PDE4D: variants seen among roughly 807,000 people sequenced by gnomAD.
PDE4D encodes 3',5'-cyclic-AMP phosphodiesterase 4D.
PDE4D carries 24 observed loss-of-function variants against 87.4 expected under a neutral mutation model. The ratio of observed to expected loss-of-function variants is 0.27; its 90% CI spans 0.20 to 0.39. The LOEUF (loss-of-function observed/expected upper bound fraction) is 0.39. Among genes scored for constraint, PDE4D ranks in the 10% least tolerant of loss-of-function variants. The pLI is 1.00. For missense variants in PDE4D, 714 were observed against 1,041.0 expected, an observed-to-expected ratio of 0.69 and a Z score of 4.32; for synonymous variants, 384 against 383.2, an observed-to-expected ratio of 1.00 and a Z score of -0.02.
At chr5:59,274,390 C>G (rs1489567616) in intron 1 of PDE4D, among the ~76,000 whole-genome samples, 1 of 152,092 alleles carries the variant, frequency 6.6e-6, no homozygotes, top group Admixed American at 6.6e-5. Context: ...ATTCCTGACG[C>G]AAATAATTTG....
intron 1 of PDE4D, among the ~76,000 whole-genome samples, chr5:59,534,406 A>G (rs1034325342): frequency 2.0e-5 from 3 of 152,164 alleles, no homozygotes; most frequent in African/African-American, 7.2e-5. Context: ...CTGCATTCCA[A>G]TTGTTATAAT....
intron 1 of PDE4D, among the ~76,000 whole-genome samples, chr5:60,336,433 C>A (rs966748492): frequency 6.6e-5 from 10 of 152,126 alleles, no homozygotes; most frequent in African/African-American, 2.4e-4. Flanking sequence ...AAGGGTAGAA[C>A]CCTAGTGTGT....
At position 59,065,409 on chromosome 5, in the gene PDE4D, A is replaced by G. The variant is rs138159014; in HGVS notation, c.809-26438T>C. Among the ~76,000 whole-genome samples the G allele has an allele frequency of 6.5e-4, 99 of 152,272 alleles. 1 individual carries two copies. The highest frequency in any genetic ancestry group is 3.4e-3 in the Middle Eastern group (1 of 294). ...ATAAGTTCTGGAAAGCTGCTGTATAACATAAGTATACAATCAACAATACTA... is the reference window on the plus strand; with the variant it reads ...ATAAGTTCTGGAAAGCTGCTGTATAGCATAAGTATACAATCAACAATACTA... On this transcript the variant is annotated intron_variant, in intron 5 of 14. Transcript: ENST00000340635.
chr5:60,496,443 G>C (rs1749817999), intron 1 of PDE4D, among the ~76,000 whole-genome samples: 1 of 152,030 alleles, frequency 6.6e-6, no homozygotes, highest in Non-Finnish European at 1.5e-5. Flanking sequence ...TGCAGCCTTA[G>C]GAAAATACTG....
In PDE4D at chr5:59,644,804, C is replaced by T. The variant is rs190661979; in HGVS notation, c.455+248364G>A. 1.7e-3 allele frequency among the ~76,000 whole-genome samples: 256 copies of T among 152,294 alleles called. 2 individuals are homozygous for T. Among genetic ancestry groups the T allele is most frequent in the African/African-American group, 6.0e-3 (249 of 41,572 alleles). On this transcript the variant is annotated intron_variant, in intron 1 of 14. Coordinates refer to ENST00000340635, the MANE Select transcript of PDE4D (RefSeq NM_001104631.2). Reference sequence around the variant, plus strand: ...AGGATAATCCAGGTTACAAATAGCACATTCTGTTCAGTGAATTGGGCTTTC... The same window carrying T: ...AGGATAATCCAGGTTACAAATAGCATATTCTGTTCAGTGAATTGGGCTTTC...
chr5:59,383,300 C>T (rs1270434950), intron 1 of PDE4D, among the ~76,000 whole-genome samples: 1 of 134,800 alleles, frequency 7.4e-6, no homozygotes, highest in Non-Finnish European at 1.6e-5. Context: ...CCTCACTAGC[C>T]TTCCAGCCAT....
chr5:59,954,982 G>T (rs555220147), intron 3 of PDE4D, among the ~76,000 whole-genome samples: 4 of 152,146 alleles, frequency 2.6e-5, no homozygotes, highest in African/African-American at 4.8e-5. Context: ...CTAGTATAAG[G>T]TTCATAATTG....
intron 1 of PDE4D, among the ~76,000 whole-genome samples, chr5:59,315,363 T>C (rs13354210): frequency 0.067 from 10,123 of 152,072 alleles, 456 homozygotes; most frequent in South Asian, 0.12. Flanking sequence ...TAGCAAGAGA[T>C]TGAGACCCAG....
chr5:59,596,309 A>T (rs1249075210), intron 1 of PDE4D, among the ~76,000 whole-genome samples: 1 of 151,314 alleles, frequency 6.6e-6, no homozygotes, highest in East Asian at 1.9e-4. Context: ...TCATTTAGAA[A>T]ACCATGCAAG....
intron 5 of PDE4D, among the ~76,000 whole-genome samples, chr5:59,056,539 C>G (rs945610731): frequency 7.2e-5 from 11 of 152,018 alleles, no homozygotes; most frequent in African/African-American, 2.7e-4. Flanking sequence ...CCCATCAGCC[C>G]AAACTAGGTT....
chr5:59,292,604 T>G (rs10472101), intron 1 of PDE4D, among the ~76,000 whole-genome samples: 25,334 of 152,132 alleles, frequency 0.17, 2,296 homozygotes, highest in East Asian at 0.23. Context: ...ACTCAGCACA[T>G]AAGTTTTTTT....
At chr5:59,150,680 C>T (rs1779348351) in intron 5 of PDE4D, among the ~76,000 whole-genome samples, 1 of 152,252 alleles carries the variant, frequency 6.6e-6, no homozygotes, top group East Asian at 1.9e-4. Context: ...AATCCAAAGG[C>T]AGGCAATTCA....
chr5:59,346,190 T>G (rs1399714459), intron 1 of PDE4D, among the ~76,000 whole-genome samples: 1 of 152,162 alleles, frequency 6.6e-6, no homozygotes, highest in Non-Finnish European at 1.5e-5. Context: ...TATCTTCGGG[T>G]GCATAGTGAC....
At chr5:60,383,164 GATT>G (rs1303529883) in intron 1 of PDE4D, among the ~76,000 whole-genome samples, 3 of 151,992 alleles carry the variant, frequency 2.0e-5, no homozygotes, top group Non-Finnish European at 2.9e-5. Context: ...GTTTTGTACA[GATT>G]ATAACATTAG....
chr5:59,494,487 AC>A (rs1806789968), intron 1 of PDE4D, among the ~76,000 whole-genome samples: 1 of 152,194 alleles, frequency 6.6e-6, no homozygotes, highest in African/African-American at 2.4e-5. Flanking sequence ...CAAACAAAAA[AC>A]ACCTAGAAAT....
In PDE4D at chr5:60,461,253, G is replaced by C. The variant is rs73759064; in HGVS notation, c.-90+26689C>G. 2.3e-3 allele frequency among the ~76,000 whole-genome samples: 345 copies of C among 152,252 alleles called. 1 individual carries two copies. The highest frequency in any genetic ancestry group is 7.9e-3 in the African/African-American group (330 of 41,548). ...AGGCCTCCCAGGAAATACACAGTTGGGGGGAATCCCTGCCCCAAACATGCA... is the reference window on the plus strand; with the variant it reads ...AGGCCTCCCAGGAAATACACAGTTGCGGGGAATCCCTGCCCCAAACATGCA... On this transcript the variant is annotated intron_variant, in intron 1 of 16. Coordinates refer to the PDE4D transcript ENST00000502484.
intron 1 of PDE4D, among the ~76,000 whole-genome samples, chr5:59,526,823 G>GC (rs1813234449): frequency 1.3e-5 from 2 of 151,858 alleles, no homozygotes; most frequent in Non-Finnish European, 2.9e-5. Context: ...ATGGTGTTTT[G>GC]CCATATTGCC....
chr5:59,723,942 C>A (rs1278896001), intron 1 of PDE4D, among the ~76,000 whole-genome samples: 3 of 152,068 alleles, frequency 2.0e-5, no homozygotes, highest in Non-Finnish European at 4.4e-5. Flanking sequence ...GTTTTCTTTT[C>A]TTTTCTTTTT....
At chr5:59,459,748 G>A (rs375076904) in intron 1 of PDE4D, among the ~76,000 whole-genome samples, 9 of 152,224 alleles carry the variant, frequency 5.9e-5, no homozygotes, top group Admixed American at 2.6e-4. Context: ...TTTTAGTTAC[G>A]GAAGGAAGCT....
Sources: allele counts gnomAD v4.1 joint callset (sites outside exome capture counted in the v4.1 genomes callset), GRCh38; gene constraint gnomAD v4.1.1; transcripts MANE v1.5; gene names NCBI Gene and HGNC (gene_info 2026-07-23, HGNC 2026-07-21).